Variants in KLHL2 observed in about 807,000 individuals in gnomAD.
KLHL2 encodes kelch like family member 2.
A neutral mutation model predicts 75.8 loss-of-function variants in KLHL2; 15 were observed. The observed-to-expected ratio is 0.20, with a 90% CI of 0.13 to 0.30. The LOEUF (loss-of-function observed/expected upper bound fraction) is 0.30. Ranked by LOEUF, KLHL2 falls within the 10% of genes least tolerant of loss-of-function variation. The pLI is 1.00. For synonymous variants in KLHL2, 214 were observed against 251.9 expected (o/e 0.85, Z 1.42); for missense variants, 381 against 741.0 (o/e 0.51, Z 5.64).
intron 1 of KLHL2, among the ~76,000 whole-genome samples, chr4:165,213,261 T>G (rs1019899873): frequency 6.6e-6 from 1 of 152,190 alleles, no homozygotes; most frequent in Non-Finnish European, 1.5e-5. Context: ...CTGTGTATTC[T>G]CTCCTCATCC....
chr4:165,294,587 C>G, intron 6 of KLHL2, 119 bp downstream of exon 6: 1 of 493,700 alleles, frequency 2.0e-6, no homozygotes, highest in Non-Finnish European at 3.6e-6. Flanking sequence ...GATGTTTCAA[C>G]TGGAAGTTAA....
chr4:165,223,596 G>A (rs188287641), intron 2 of KLHL2, among the ~76,000 whole-genome samples: 2 of 152,322 alleles, frequency 1.3e-5, no homozygotes, highest in East Asian at 1.9e-4. Flanking sequence ...CAGAATTGTG[G>A]CAGGCTTGAA....
At chr4:165,268,563 G>A (rs539190346) in intron 5 of KLHL2, among the ~76,000 whole-genome samples, 6 of 152,178 alleles carry the variant, frequency 3.9e-5, no homozygotes, top group African/African-American at 9.6e-5. Flanking sequence ...CCTTCATTTC[G>A]TTGTGTACCC....
intron 7 of KLHL2, among the ~76,000 whole-genome samples, chr4:165,298,140 T>A (rs1256555614): frequency 6.6e-6 from 1 of 152,232 alleles, no homozygotes; most frequent in Non-Finnish European, 1.5e-5. Flanking sequence ...TTCCCCGTTC[T>A]TAGAAATTTG....
intron 13 of KLHL2, among the ~76,000 whole-genome samples, chr4:165,316,350 T>C (rs1312017208): frequency 1.3e-5 from 2 of 152,214 alleles, no homozygotes; most frequent in Non-Finnish European, 2.9e-5. Context: ...ATGTTGTCCA[T>C]CAATAGGCTG....
At chr4:165,222,196 C>G (rs989783379) in intron 2 of KLHL2, among the ~76,000 whole-genome samples, 2 of 152,000 alleles carry the variant, frequency 1.3e-5, no homozygotes, top group South Asian at 4.2e-4. Context: ...ACTCTGGTCT[C>G]GAGCCAATTA....
intron 1 of KLHL2, among the ~76,000 whole-genome samples, chr4:165,217,204 A>G (rs1444954277): frequency 2.0e-5 from 3 of 152,234 alleles, no homozygotes; most frequent in Non-Finnish European, 2.9e-5. Flanking sequence ...AATATAGAAT[A>G]AGTATTACCT....
chr4:165,210,343 T>TG (rs1175168921), intron 1 of KLHL2, among the ~76,000 whole-genome samples: 7 of 152,202 alleles, frequency 4.6e-5, no homozygotes, highest in African/African-American at 7.2e-5. Flanking sequence ...CACATTGTCT[T>TG]GGAGGGAGGT....
intron 5 of KLHL2, among the ~76,000 whole-genome samples, chr4:165,293,200 C>T (rs1158663543): frequency 6.6e-6 from 1 of 152,130 alleles, no homozygotes; most frequent in Admixed American, 6.5e-5. Context: ...GTAAGGTTTT[C>T]AATCATTGCA....
intron 5 of KLHL2, among the ~76,000 whole-genome samples, chr4:165,289,438 G>C (rs1261118985): frequency 6.7e-6 from 1 of 149,312 alleles, no homozygotes; most frequent in African/African-American, 2.5e-5. Flanking sequence ...ACATGTATAT[G>C]TACACAATGA....
At chr4:165,282,834 C>T (rs1408371651) in intron 5 of KLHL2, among the ~76,000 whole-genome samples, 1 of 151,182 alleles carries the variant, frequency 6.6e-6, no homozygotes, top group African/African-American at 2.5e-5. Flanking sequence ...TGTATTAGTC[C>T]ATTTCCATGC....
chr4:165,249,135 C>T (rs1299960931), intron 4 of KLHL2, among the ~76,000 whole-genome samples: 2 of 152,122 alleles, frequency 1.3e-5, no homozygotes, highest in African/African-American at 2.4e-5. Context: ...TCAGATGGAC[C>T]TGCTTGAGAT....
intron 9 of KLHL2, among the ~76,000 whole-genome samples, chr4:165,310,185 TGTG>T (rs1218607136): frequency 6.6e-6 from 1 of 151,812 alleles, no homozygotes; most frequent in Non-Finnish European, 1.5e-5. Flanking sequence ...ATTAGTTGGG[TGTG>T]GTGGCGGGCG....
chr4:165,249,749 A>C (rs539671920), intron 4 of KLHL2, among the ~76,000 whole-genome samples: 1 of 152,328 alleles, frequency 6.6e-6, no homozygotes, highest in East Asian at 1.9e-4. Context: ...ACTAGAGGGC[A>C]GGGTGCCCTG....
rs1252734731 is a variant in KLHL2 at position 165,313,234 on chromosome 4, G to A, written c.1340-4G>A. On this transcript the variant is annotated splice_polypyrimidine_tract_variant and splice_region_variant and intron_variant, in intron 11 of 14. Coordinates refer to ENST00000226725, the MANE Select transcript of KLHL2 (RefSeq NM_007246.4). ...TTTGGCTTTCTATGTGATTTTATGT[G>A]TAGGTTTGCTCTATGCTGTAGGAGG... 1 of 1,607,522 alleles carries A rather than the reference G, an allele frequency of 6.2e-7. No individual in the cohort carries two copies. Among genetic ancestry groups the A allele is most frequent in the South Asian group, 1.1e-5 (1 of 89,966 alleles).
intron 2 of KLHL2, among the ~76,000 whole-genome samples, chr4:165,221,898 A>G (rs906242703): frequency 1.3e-5 from 2 of 152,214 alleles, no homozygotes; most frequent in Non-Finnish European, 2.9e-5. Flanking sequence ...TGCATTGGTT[A>G]CTAAGTGGAA....
chr4:165,254,435 A>AT (rs200591001), intron 4 of KLHL2, among the ~76,000 whole-genome samples: 10,156 of 151,932 alleles, frequency 0.067, 224 homozygotes, highest in Middle Eastern at 0.13. Flanking sequence ...ATCTTATTCC[A>AT]TTTTTTGGAC....
chr4:165,228,745 A>G, intron 2 of KLHL2, 62 bp from the exon 3 acceptor site: 14 of 957,242 alleles, frequency 1.5e-5, no homozygotes, highest in Non-Finnish European at 2.3e-5. Flanking sequence ...ATTTTTGCAT[A>G]GGATGTTCAA....
intron 5 of KLHL2, among the ~76,000 whole-genome samples, chr4:165,274,946 G>A (rs1322401731): frequency 6.6e-6 from 1 of 152,108 alleles, no homozygotes; most frequent in Non-Finnish European, 1.5e-5. Context: ...CAGCAGCGTG[G>A]CACTGGCAGT....
Sources: allele counts gnomAD v4.1 joint callset (sites outside exome capture counted in the v4.1 genomes callset), GRCh38; gene constraint gnomAD v4.1.1; transcripts MANE v1.5; gene names NCBI Gene and HGNC (gene_info 2026-07-23, HGNC 2026-07-21).